CEACAM6: variants seen among roughly 807,000 people sequenced by gnomAD.
CEACAM6 encodes the protein cell adhesion molecule CEACAM6.
Under a neutral mutation model 32.4 loss-of-function variants are expected in CEACAM6, and 21 were observed. The observed-to-expected ratio is 0.65, with a 90% CI of 0.46 to 0.93. The LOEUF (loss-of-function observed/expected upper bound fraction) is 0.93, where lower values mean the gene tolerates loss of function less well. CEACAM6 is among the 40% of genes least tolerant of loss of function. CEACAM6 has a pLI of 0.00. For missense variants in CEACAM6, 406 were observed against 432.2 expected (o/e 0.94, Z 0.54); for synonymous variants, 184 against 174.4 (o/e 1.06, Z -0.43).
intron 5 of CEACAM6, among the ~76,000 whole-genome samples, chr19:41,768,898 A>G (rs1555822680): frequency 6.6e-6 from 1 of 152,098 alleles, no homozygotes; most frequent in East Asian, 1.9e-4. Flanking sequence ...TTTGTCATTC[A>G]CTGACAATTG....
Position 41,762,138 on chromosome 19 carries a change from G to C in CEACAM6, c.873G>C (p.Val291=). The change falls in exon 4 of 6, where the codon GTG becomes GTC. Residue 291 remains valine (V), a synonymous_variant. Transcript: ENST00000199764. ...AGCTCTTTATCCCCAACATCACTGTGAATAATAGCGGATCCTATATGTGCC... is the reference window on the plus strand; with the variant it reads ...AGCTCTTTATCCCCAACATCACTGTCAATAATAGCGGATCCTATATGTGCC... ...TQELFIPNIT[V]NNSGSYMCQA... 1 of 1,614,152 alleles carries C rather than the reference G, an allele frequency of 6.2e-7. No homozygotes were observed. The highest frequency in any genetic ancestry group is 8.5e-7 in the Non-Finnish European group (1 of 1,180,052).
At chr19:41,770,491 C>T (rs1261535076) in intron 5 of CEACAM6, among the ~76,000 whole-genome samples, 1 of 151,878 alleles carries the variant, frequency 6.6e-6, no homozygotes, top group Non-Finnish European at 1.5e-5. Context: ...CAAGGAGAAT[C>T]GCTTGAACTT....
chr19:41,770,521 G>A (rs1042225017), intron 5 of CEACAM6, among the ~76,000 whole-genome samples: 1 of 151,810 alleles, frequency 6.6e-6, no homozygotes, highest in Non-Finnish European at 1.5e-5. Flanking sequence ...AGGTTGCAGT[G>A]AGCTGCACTC....
At chr19:41,764,569 T>G (rs2072945819) in intron 4 of CEACAM6, among the ~76,000 whole-genome samples, 1 of 152,176 alleles carries the variant, frequency 6.6e-6, no homozygotes. Context: ...GAATTAAAGG[T>G]GTGAGCCACC....
chr19:41,764,020 G>T (rs1405104100), intron 4 of CEACAM6, among the ~76,000 whole-genome samples: 2 of 152,216 alleles, frequency 1.3e-5, no homozygotes, highest in Non-Finnish European at 2.9e-5. Context: ...TACAGGGAAA[G>T]CTTTCAGTCT....
Position 41,759,009 on chromosome 19 carries a change from C to T in CEACAM6, c.424+2050C>T, listed in dbSNP as rs191285106. ...GACAGGGACAAGCGACTCCTCCATA[C>T]AGTCTCTACTGACTCACCAGGCAGT... On this transcript the variant is annotated intron_variant, in intron 2 of 5. Transcript: ENST00000199764. 2.1e-3 allele frequency among the ~76,000 whole-genome samples: 323 copies of T among 152,354 alleles called. 2 individuals carry two copies. The highest frequency in any genetic ancestry group is 0.02 in the South Asian group (95 of 4,830).
At chr19:41,769,246 C>A (rs546542654) in intron 5 of CEACAM6, among the ~76,000 whole-genome samples, 9 of 152,156 alleles carry the variant, frequency 5.9e-5, no homozygotes, top group African/African-American at 1.7e-4. Context: ...CGCCCAGCCC[C>A]GACAATTATT....
At chr19:41,770,419 G>A (rs532938827) in intron 5 of CEACAM6, among the ~76,000 whole-genome samples, 3 of 151,502 alleles carry the variant, frequency 2.0e-5, no homozygotes, top group African/African-American at 4.9e-5. Context: ...ATTCATGTGC[G>A]TACATGGGCC....
intron 4 of CEACAM6, among the ~76,000 whole-genome samples, chr19:41,763,347 C>T (rs1183774041): frequency 1.3e-5 from 2 of 152,184 alleles, no homozygotes; most frequent in African/African-American, 4.8e-5. Context: ...CCATCCCCAT[C>T]ATCACCCATC....
rs185475561 is a variant in CEACAM6, at chr19:41,759,991, C to T, written c.425-1258C>T. Among the ~76,000 whole-genome samples, 719 of 152,292 alleles carry T rather than the reference C, an allele frequency of 4.7e-3. 5 individuals carry two copies. Among genetic ancestry groups the T allele is most frequent in the African/African-American group, 0.017 (687 of 41,544 alleles). ...AAATTAGGGTGCTAAACGGGTAAGT[C>T]TACTGCAAATATTCAAAAATCCAGA... On this transcript the variant is annotated intron_variant, in intron 2 of 5. Coordinates refer to ENST00000199764, the MANE Select transcript of CEACAM6 (RefSeq NM_002483.7).
chr19:41,762,043 C>T lies in CEACAM6; in HGVS notation c.778C>T (p.His260Tyr). The change falls in exon 4 of 6, where the codon CAC (histidine) becomes TAC (tyrosine). Residue 260 changes from histidine to tyrosine, a missense_variant. Physicochemically the swap from His to Tyr is moderately conservative, Grantham distance 83. Transcript: ENST00000199764. The part of the protein sequence containing the change: ...RPGENLNLSC[H>Y]AASNPPAQYS... ...AGGGGAAAATCTGAACCTCTCCTGCCACGCAGCCTCTAACCCACCTGCACA... is the reference window on the plus strand; with the variant it reads ...AGGGGAAAATCTGAACCTCTCCTGCTACGCAGCCTCTAACCCACCTGCACA... 6.2e-7 allele frequency: 1 copy of T among 1,614,206 alleles called. No individual in the cohort carries two copies. Among genetic ancestry groups the T allele is most frequent in the Non-Finnish European group, 8.5e-7 (1 of 1,180,032 alleles).
At position 41,762,053 on chromosome 19, in the gene CEACAM6, C is replaced by T; in HGVS notation, c.788C>T (p.Ser263Phe). The T allele has an allele frequency of 6.2e-7, 1 of 1,614,216 alleles. No homozygotes were observed. The highest frequency in any genetic ancestry group is 2.2e-5 in the East Asian group (1 of 44,882). The change falls in exon 4 of 6, where the codon TCT becomes TTT. Residue 263 changes from serine (S) to phenylalanine (F), a missense_variant. Ser to Phe is a radical substitution (Grantham distance 155, BLOSUM62 -2). Transcript: ENST00000199764. ...ENLNLSCHAASNPPAQYSWFI... is the reference protein window; with the variant it reads ...ENLNLSCHAAFNPPAQYSWFI... ...CTGAACCTCTCCTGCCACGCAGCCTCTAACCCACCTGCACAGTACTCTTGG... is the reference window on the plus strand; with the variant it reads ...CTGAACCTCTCCTGCCACGCAGCCTTTAACCCACCTGCACAGTACTCTTGG...
At chr19:41,762,344 T>A in intron 4 of CEACAM6, 121 bp downstream of exon 4, 1 of 1,158,182 alleles carries the variant, frequency 8.6e-7, no homozygotes, top group Non-Finnish European at 1.2e-6. Context: ...AATCCCAAAT[T>A]CTCCCCTGAA....
intron 3 of CEACAM6, 86 bp downstream of exon 3, chr19:41,761,613 C>G: frequency 6.3e-7 from 1 of 1,577,144 alleles, no homozygotes. Flanking sequence ...CCTCTCAGGT[C>G]TAAGGACTCA....
At chr19:41,768,810 G>C (rs2072973775) in intron 5 of CEACAM6, among the ~76,000 whole-genome samples, 1 of 152,226 alleles carries the variant, frequency 6.6e-6, no homozygotes, top group African/African-American at 2.4e-5. Flanking sequence ...CGGCCGGGCA[G>C]AGGCGCCCCT....
chr19:41,757,421 G>A (rs1425632496), intron 2 of CEACAM6, among the ~76,000 whole-genome samples: 1 of 152,090 alleles, frequency 6.6e-6, no homozygotes, highest in Non-Finnish European at 1.5e-5. Flanking sequence ...CTGTGTGGTG[G>A]CCTCTTGGGC....
chr19:41,770,658 A>G (rs2072988761), intron 5 of CEACAM6, 144 bp from the exon 6 acceptor site: 1 of 152,208 alleles, frequency 6.6e-6, no homozygotes, highest in Non-Finnish European at 1.5e-5. Flanking sequence ...CTTATTTGGA[A>G]AACAAATATG....
intron 4 of CEACAM6, among the ~76,000 whole-genome samples, chr19:41,764,020 G>A (rs1405104100): frequency 6.6e-6 from 1 of 152,216 alleles, no homozygotes; most frequent in African/African-American, 2.4e-5. Flanking sequence ...TACAGGGAAA[G>A]CTTTCAGTCT....
chr19:41,765,122 G>T (rs782707124), intron 4 of CEACAM6, among the ~76,000 whole-genome samples: 3 of 152,194 alleles, frequency 2.0e-5, no homozygotes, highest in Non-Finnish European at 4.4e-5. Flanking sequence ...AAGTCAGGTA[G>T]TCCTAGAGTC....
Sources: gnomAD v4.1 joint callset for allele counts (sites outside exome capture counted in the v4.1 genomes callset) on GRCh38, gnomAD v4.1.1 for gene constraint, MANE v1.5 for transcripts, NCBI Gene and HGNC (gene_info 2026-07-23, HGNC 2026-07-21) for gene names.